The following CDH4 variants were observed in gnomAD, a reference collection of about 807,000 sequenced individuals.
CDH4 encodes the protein cadherin 4, also known as cadherin-4.
CDH4 carries 33 observed loss-of-function variants against 86.0 expected under a neutral mutation model. The ratio of observed to expected loss-of-function variants is 0.38; its 90% CI spans 0.29 to 0.51. The LOEUF is 0.51. Ranked by LOEUF, CDH4 falls within the 20% of genes least tolerant of loss-of-function variation. The probability of loss-of-function intolerance (pLI) is 0.86; values close to 1 mark genes in which losing one functional copy is unlikely to be tolerated. For missense variants in CDH4, 1,114 were observed against 1,307.4 expected (o/e 0.85, Z 2.28); for synonymous variants, 555 against 549.4 (o/e 1.01, Z -0.14).
At position 61,921,518 on chromosome 20, in the gene CDH4, G is replaced by A. The variant is rs181739836; in HGVS notation, c.1375-1933G>A. Among the ~76,000 whole-genome samples the A allele has an allele frequency of 9.8e-5, 15 of 152,342 alleles. 1 individual carries two copies. The highest frequency in any genetic ancestry group is 2.0e-4 in the Admixed American group (3 of 15,304). On this transcript the variant is annotated intron_variant, in intron 9 of 15. Transcript: ENST00000614565. Reference sequence around the variant, plus strand: ...TGTCATCCCAGCACTTTGGGAGGCCGAGGCAGGCGGATCACCTGAGGTCAG... The same window carrying A: ...TGTCATCCCAGCACTTTGGGAGGCCAAGGCAGGCGGATCACCTGAGGTCAG...
chr20:61,679,680 G>C (rs79057434), intron 2 of CDH4, among the ~76,000 whole-genome samples: 30,836 of 152,168 alleles, frequency 0.2, 3,417 homozygotes, highest in Non-Finnish European at 0.24. Context: ...ATCATCTTCC[G>C]CCACTGGTGG....
At chr20:61,482,581 G>GT (rs2085573956) in intron 2 of CDH4, among the ~76,000 whole-genome samples, 1 of 152,120 alleles carries the variant, frequency 6.6e-6, no homozygotes, top group Non-Finnish European at 1.5e-5. Flanking sequence ...GCTGGGACTG[G>GT]TTTTTTGCCC....
chr20:61,843,451 C>T (rs1239911127), intron 4 of CDH4, among the ~76,000 whole-genome samples: 1 of 78,286 alleles, frequency 1.3e-5, no homozygotes, highest in Non-Finnish European at 2.7e-5. Flanking sequence ...AGCGAGACTC[C>T]GTCTCAAAAA....
intron 13 of CDH4, among the ~76,000 whole-genome samples, chr20:61,930,547 A>G (rs980520355): frequency 6.6e-6 from 1 of 152,032 alleles, no homozygotes; most frequent in Non-Finnish European, 1.5e-5. Flanking sequence ...CCCAGTTCAC[A>G]CCCAAACCAC....
chr20:61,341,980 G>T (rs2123283888), intron 2 of CDH4, among the ~76,000 whole-genome samples: 1 of 152,276 alleles, frequency 6.6e-6, no homozygotes, highest in East Asian at 1.9e-4. Context: ...TGGGATTCTG[G>T]AACTCACAAA....
At chr20:61,410,286 C>G (rs2085110337) in intron 2 of CDH4, among the ~76,000 whole-genome samples, 6 of 152,188 alleles carry the variant, frequency 3.9e-5, no homozygotes, top group Admixed American at 3.9e-4. Context: ...ACACATCCAT[C>G]CTTCTGTTCA....
intron 2 of CDH4, among the ~76,000 whole-genome samples, chr20:61,619,217 A>G (rs1479842220): frequency 6.6e-6 from 1 of 152,082 alleles, no homozygotes; most frequent in Non-Finnish European, 1.5e-5. Context: ...GGTCACCCTG[A>G]CTGGACACTT....
In CDH4 at chr20:61,486,408, C is replaced by A. The variant is rs566908379; in HGVS notation, c.169+231471C>A. 7.2e-5 allele frequency among the ~76,000 whole-genome samples: 11 copies of A among 152,328 alleles called. No individual in the cohort carries two copies. The South Asian group carries it at 2.3e-3, about 32-fold the overall frequency. On this transcript the variant is annotated intron_variant, in intron 2 of 15. Transcript: ENST00000614565. ...GGTCCTGTGTCCCCGTGGGGCCCTACCCTGTTCCTCTCGCAGTCCGGGAAG... is the reference window on the plus strand; with the variant it reads ...GGTCCTGTGTCCCCGTGGGGCCCTAACCTGTTCCTCTCGCAGTCCGGGAAG...
intron 2 of CDH4, among the ~76,000 whole-genome samples, chr20:61,553,152 A>C (rs1288832665): frequency 2.0e-5 from 3 of 152,256 alleles, no homozygotes; most frequent in Non-Finnish European, 4.4e-5. Context: ...TAAGCATTGG[A>C]AACATTATGC....
At chr20:61,329,786 C>G (rs1030671203) in intron 2 of CDH4, among the ~76,000 whole-genome samples, 1 of 152,170 alleles carries the variant, frequency 6.6e-6, no homozygotes, top group African/African-American at 2.4e-5. Context: ...ACCTATCACC[C>G]ATCCCCTAGG....
chr20:61,926,321 G>A (rs1469994945), intron 11 of CDH4, among the ~76,000 whole-genome samples: 5 of 152,222 alleles, frequency 3.3e-5, no homozygotes, highest in Admixed American at 6.5e-5. Flanking sequence ...CTCTTGGAAC[G>A]GCTGTGCGTG....
Position 61,462,226 on chromosome 20 carries a change from C to T in CDH4, c.169+207289C>T, listed in dbSNP as rs138565586. Among the ~76,000 whole-genome samples the T allele has an allele frequency of 5.8e-4, 88 of 152,278 alleles. No individual in the cohort carries two copies. In the South Asian group the frequency reaches 6.2e-3, roughly 11 times the overall value. On this transcript the variant is annotated intron_variant, in intron 2 of 15. Transcript: ENST00000614565. Reference sequence around the variant, plus strand: ...TCTTGTTACAGGTTTGAATTTTCTGCGGAAGTTCTGCCTTTATTTCATTGG... The same window carrying T: ...TCTTGTTACAGGTTTGAATTTTCTGTGGAAGTTCTGCCTTTATTTCATTGG...
rs757336738 is a variant in CDH4, at chr20:61,844,773, C to T, written c.682C>T (p.Arg228Trp). The change falls in exon 5 of 16, where the codon CGG becomes TGG. Residue 228 changes from arginine (R) to tryptophan (W), a missense_variant. By Grantham distance (101) the Arg-to-Trp change is moderately radical (BLOSUM62 -3). This residue lies in a region of CDH4 where 705 missense variants were observed against 914.1 expected (regional missense o/e 0.77). Transcript: ENST00000614565. ...CTTCAGCATTGACTCCATGTCCGGC[C>T]GGATGTACGTCACAAGGCCCATGGA... ...EVFSIDSMSG[R>W]MYVTRPMDRE... The T allele has an allele frequency of 3.1e-6, 5 of 1,613,964 alleles. No homozygotes were observed. The Admixed American group carries it at 5.0e-5, about 16-fold the overall frequency.
At chr20:61,293,122 A>G (rs1038892294) in intron 2 of CDH4, among the ~76,000 whole-genome samples, 2 of 152,114 alleles carry the variant, frequency 1.3e-5, no homozygotes, top group African/African-American at 2.4e-5. Flanking sequence ...GGGACCTAGG[A>G]GGGAGGGCTG....
intron 2 of CDH4, among the ~76,000 whole-genome samples, chr20:61,579,633 G>C (rs1201893100): frequency 6.6e-6 from 1 of 151,968 alleles, no homozygotes; most frequent in African/African-American, 2.4e-5. Context: ...CCAGCCCCAG[G>C]TTGTGTTCCC....
At chr20:61,892,446 A>G (rs1367426115) in intron 7 of CDH4, among the ~76,000 whole-genome samples, 1 of 152,216 alleles carries the variant, frequency 6.6e-6, no homozygotes, top group Non-Finnish European at 1.5e-5. Flanking sequence ...TCAAGGGAGG[A>G]CACAATAAAC....
intron 2 of CDH4, among the ~76,000 whole-genome samples, chr20:61,557,419 CTT>C (rs1311435602): frequency 6.6e-6 from 1 of 152,228 alleles, no homozygotes; most frequent in Non-Finnish European, 1.5e-5. Flanking sequence ...GTCTGTGTGA[CTT>C]TCACTAAGAC....
intron 2 of CDH4, among the ~76,000 whole-genome samples, chr20:61,678,096 G>A (rs1333664458): frequency 6.6e-6 from 1 of 152,032 alleles, no homozygotes; most frequent in Non-Finnish European, 1.5e-5. Flanking sequence ...ATATATTTTG[G>A]ATGGATGATA....
At chr20:61,924,123 G>T (rs2055017420) in intron 10 of CDH4, among the ~76,000 whole-genome samples, 1 of 152,212 alleles carries the variant, frequency 6.6e-6, no homozygotes, top group Non-Finnish European at 1.5e-5. Flanking sequence ...CGTAGCCACT[G>T]CGTGGCCTGT....
Sources: gnomAD v4.1 joint callset for allele counts (sites outside exome capture counted in the v4.1 genomes callset) on GRCh38, gnomAD v4.1.1 for gene constraint, gnomAD v4.1.1 regional missense constraint, MANE v1.5 for transcripts, NCBI Gene and HGNC (gene_info 2026-07-23, HGNC 2026-07-21) for gene names.